The following PTPRK variants were observed in gnomAD, a reference collection of about 807,000 sequenced individuals.
The protein encoded by PTPRK is receptor-type tyrosine-protein phosphatase kappa.
In PTPRK, 75 loss-of-function variants were observed where a neutral mutation model predicts 178.0. That is an observed-to-expected ratio of 0.42 (90% CI 0.35 to 0.51). The LOEUF (loss-of-function observed/expected upper bound fraction) is 0.51, where lower values mean the gene tolerates loss of function less well. PTPRK is among the 20% of genes least tolerant of loss of function. The probability of loss-of-function intolerance (pLI) is 0.02; values close to 1 mark genes in which losing one functional copy is unlikely to be tolerated. For synonymous variants in PTPRK, 637 were observed against 620.6 expected (o/e 1.03, Z -0.39); for missense variants, 1,441 against 1,797.8 (o/e 0.80, Z 3.59).
chr6:127,999,119 A>T (rs561797837), intron 15 of PTPRK, among the ~76,000 whole-genome samples: 1 of 152,210 alleles, frequency 6.6e-6, no homozygotes, highest in African/African-American at 2.4e-5. Flanking sequence ...TATCAGCAAG[A>T]CAACAGACAC....
rs759679651 is a variant in PTPRK, at chr6:128,067,563, T to C, written c.2113A>G (p.Lys705Glu). 1.2e-6 allele frequency: 2 copies of C among 1,608,694 alleles called. No individual in the cohort carries two copies. Among genetic ancestry groups the C allele is most frequent in the Admixed American group, 1.7e-5 (1 of 59,798 alleles). ...GFWNPPLAPRKGYNIYFQAMS... is the reference protein window; with the variant it reads ...GFWNPPLAPREGYNIYFQAMS... ...GCCTGGAAATAGATGTTGTATCCTT[T>C]GCGCGGAGCCAAAGGAGGGTTCCAA... The change falls in exon 12 of 30, where the codon AAA becomes GAA. Residue 705 changes from lysine (K) to glutamate (E), a missense_variant. Coordinates refer to ENST00000368226, the MANE Select transcript of PTPRK (RefSeq NM_002844.4).
At chr6:128,322,531 A>G (rs1828946158) in intron 2 of PTPRK, among the ~76,000 whole-genome samples, 1 of 151,762 alleles carries the variant, frequency 6.6e-6, no homozygotes, top group South Asian at 2.1e-4. Flanking sequence ...CAATTCATTT[A>G]GTCTCCACAA....
intron 5 of PTPRK, among the ~76,000 whole-genome samples, chr6:128,231,797 A>C (rs1280288330): frequency 1.3e-5 from 2 of 152,244 alleles, no homozygotes. Flanking sequence ...AATTGAAAAA[A>C]CAAACTCATT....
chr6:128,401,883 A>G (rs1306436368), intron 1 of PTPRK, among the ~76,000 whole-genome samples: 1 of 152,222 alleles, frequency 6.6e-6, no homozygotes, highest in Non-Finnish European at 1.5e-5. Context: ...AAATGGACAA[A>G]TTAACCTTCT....
chr6:128,260,430 C>T (rs746475978), intron 3 of PTPRK, among the ~76,000 whole-genome samples: 2 of 152,002 alleles, frequency 1.3e-5, no homozygotes, highest in African/African-American at 2.4e-5. Context: ...AGAAGATGGC[C>T]TTTATCATTG....
At chr6:128,142,718 T>C (rs978480135) in intron 7 of PTPRK, among the ~76,000 whole-genome samples, 3 of 151,978 alleles carry the variant, frequency 2.0e-5, no homozygotes, top group Non-Finnish European at 4.4e-5. Flanking sequence ...CAGTAAGTCT[T>C]ACATTTCAAC....
At chr6:128,511,392 C>T (rs146412972) in intron 1 of PTPRK, among the ~76,000 whole-genome samples, 5 of 152,188 alleles carry the variant, frequency 3.3e-5, no homozygotes, top group Admixed American at 1.3e-4. Context: ...GCCTTAGATT[C>T]AATGGTTGGA....
chr6:128,130,786 G>C (rs1394922228), intron 7 of PTPRK, among the ~76,000 whole-genome samples: 1 of 152,068 alleles, frequency 6.6e-6, no homozygotes, highest in East Asian at 1.9e-4. Context: ...CTCTGATTTA[G>C]ATACCCAAGG....
At chr6:128,071,259 C>T (rs569517037) in intron 11 of PTPRK, among the ~76,000 whole-genome samples, 1 of 152,038 alleles carries the variant, frequency 6.6e-6, no homozygotes, top group Non-Finnish European at 1.5e-5. Flanking sequence ...AAAATGTATA[C>T]TTTCTTTTCA....
chr6:128,089,638 A>G, intron 8 of PTPRK, 52 bp downstream of exon 8: 11 of 1,488,626 alleles, frequency 7.4e-6, no homozygotes, highest in Non-Finnish European at 9.3e-6. Context: ...AAGTAATCAC[A>G]TTTTTCTTGT....
chr6:128,343,733 A>T (rs1832007797), intron 2 of PTPRK, among the ~76,000 whole-genome samples: 1 of 152,238 alleles, frequency 6.6e-6, no homozygotes, highest in Non-Finnish European at 1.5e-5. Flanking sequence ...TGCTTTATCC[A>T]AAAACATTTC....
chr6:128,377,403 G>A (rs1016154054), intron 2 of PTPRK, among the ~76,000 whole-genome samples: 4 of 152,070 alleles, frequency 2.6e-5, no homozygotes, highest in Non-Finnish European at 5.9e-5. Context: ...CACGAGAATA[G>A]CATGGGAAAG....
intron 1 of PTPRK, among the ~76,000 whole-genome samples, chr6:128,448,078 A>T (rs1428331816): frequency 1.3e-5 from 2 of 152,198 alleles, no homozygotes; most frequent in Non-Finnish European, 2.9e-5. Context: ...TCACATGGCC[A>T]GCCACCAGCC....
At position 128,089,984 on chromosome 6, in the gene PTPRK, T is replaced by C; in HGVS notation, c.1171A>G (p.Arg391Gly). Residue 391 changes from arginine (R) to glycine (G), a missense_variant, in exon 8 of 30, where the codon AGA becomes GGA. This residue lies in a region of PTPRK where 945 missense variants were observed against 1,080.6 expected (regional missense o/e 0.87). Transcript: ENST00000368226. ...GCAATCTTTAATGTCTTTGGGGTTC[T>C]CATAGGTTCTGAAAAATAAATCAGA... The part of the protein sequence containing the change: ...ITRTKCAEPM[R>G]TPKTLKIAEI... The C allele has an allele frequency of 6.3e-7, 1 of 1,599,348 alleles. No individual in the cohort carries two copies. The highest frequency in any genetic ancestry group is 8.6e-7 in the Non-Finnish European group (1 of 1,166,888).
intron 7 of PTPRK, among the ~76,000 whole-genome samples, chr6:128,127,938 C>T (rs1793641609): frequency 6.6e-6 from 1 of 152,094 alleles, no homozygotes; most frequent in Non-Finnish European, 1.5e-5. Context: ...TCAAAATAAA[C>T]TATTAATATA....
intron 7 of PTPRK, among the ~76,000 whole-genome samples, chr6:128,094,657 T>G (rs1249735801): frequency 6.6e-6 from 1 of 152,142 alleles, no homozygotes; most frequent in Non-Finnish European, 1.5e-5. Flanking sequence ...AATTTGACAA[T>G]GTCCCTAGCT....
rs11301155 is a variant in PTPRK at position 128,494,201 on chromosome 6, T to TAAA, written c.100+26055_100+26057dup. On this transcript the variant is annotated intron_variant, in intron 1 of 29. Transcript: ENST00000368226. ...GGTAATGTAGCAAGACCCTGTATCT[T>TAAA]AAAAAAAAAAAAAAAAAAAAAAGTG... 1.2e-4 allele frequency among the ~76,000 whole-genome samples: 14 copies of TAAA among 112,936 alleles called. 2 individuals carry two copies. Among genetic ancestry groups the TAAA allele is most frequent in the South Asian group, 8.6e-4 (3 of 3,478 alleles). The allele number at this position is 112,936 out of a possible 152,430, so 74.1% of individuals were successfully genotyped here.
chr6:128,099,758 T>C (rs1299332834), intron 7 of PTPRK, among the ~76,000 whole-genome samples: 4 of 152,104 alleles, frequency 2.6e-5, no homozygotes, highest in Non-Finnish European at 5.9e-5. Context: ...TGATTATTTG[T>C]CCATTTCCTT....
intron 6 of PTPRK, among the ~76,000 whole-genome samples, chr6:128,216,290 A>T (rs1809274517): frequency 6.6e-6 from 1 of 152,142 alleles, no homozygotes; most frequent in Non-Finnish European, 1.5e-5. Context: ...TAATCCCAGC[A>T]CTTTGGGAGG....
Sources: allele counts gnomAD v4.1 joint callset (sites outside exome capture counted in the v4.1 genomes callset), GRCh38; gene constraint gnomAD v4.1.1; regional missense constraint gnomAD v4.1.1; transcripts MANE v1.5; gene names NCBI Gene and HGNC (gene_info 2026-07-23, HGNC 2026-07-21).